The following COL22A1 variants were observed in gnomAD, a reference collection of about 807,000 sequenced individuals.
COL22A1 encodes collagen alpha-1(XXII) chain.
Under a neutral mutation model 248.9 loss-of-function variants are expected in COL22A1, and 221 were observed. That is an observed-to-expected ratio of 0.89 (90% CI 0.80 to 0.99). COL22A1 has a LOEUF of 0.99. COL22A1 is among the 50% of genes least tolerant of loss of function. The pLI is 0.00. For missense variants in COL22A1, 2,240 were observed against 2,179.0 expected, an observed-to-expected ratio of 1.03 and a Z score of -0.56; for synonymous variants, 891 against 793.4, an observed-to-expected ratio of 1.12 and a Z score of -2.07.
At chr8:138,593,323 A>T (rs2131782525) in intron 63 of COL22A1, among the ~76,000 whole-genome samples, 1 of 152,258 alleles carries the variant, frequency 6.6e-6, no homozygotes, top group South Asian at 2.1e-4. Context: ...ACCATGGCAC[A>T]TATATACCTA....
chr8:138,617,107 T>C, intron 53 of COL22A1, 149 bp from the exon 54 acceptor site: 1 of 794,498 alleles, frequency 1.3e-6, no homozygotes, highest in Non-Finnish European at 2.1e-6. Context: ...GGTGCCATGC[T>C]CGGTGCCAGA....
At chr8:138,878,501 AT>A (rs1444558981) in intron 2 of COL22A1, among the ~76,000 whole-genome samples, 185 bp from the exon 3 acceptor site, 256 of 152,292 alleles carry the variant, frequency 1.7e-3, no homozygotes, top group African/African-American at 6.0e-3. Flanking sequence ...TCACATGGCA[AT>A]AATGATGAGT....
chr8:138,623,355 C>A (rs1441693815), intron 52 of COL22A1, among the ~76,000 whole-genome samples: 1 of 151,628 alleles, frequency 6.6e-6, no homozygotes, highest in South Asian at 2.1e-4. Context: ...GTATCCTGAT[C>A]TCTCCAGATA....
chr8:138,895,070 A>AAG (rs1220550627), intron 1 of COL22A1, among the ~76,000 whole-genome samples: 2 of 137,916 alleles, frequency 1.5e-5, no homozygotes, highest in African/African-American at 5.8e-5. Context: ...TAAAAAAAAA[A>AAG]AAAGAAAAGA....
intron 8 of COL22A1, 80 bp from the exon 9 acceptor site, chr8:138,812,001 T>C (rs539256856): frequency 6.9e-7 from 1 of 1,444,278 alleles, no homozygotes; most frequent in South Asian, 1.4e-5. Flanking sequence ...TGTCGGGTGC[T>C]TCCTCAGAAC....
intron 1 of COL22A1, among the ~76,000 whole-genome samples, chr8:138,883,616 T>C (rs940866774): frequency 1.3e-5 from 2 of 152,094 alleles, no homozygotes; most frequent in Non-Finnish European, 2.9e-5. Flanking sequence ...TCGGAGGTGA[T>C]TGGATCATGG....
At chr8:138,807,424 C>A (rs4991003) in intron 10 of COL22A1, among the ~76,000 whole-genome samples, 46,435 of 152,080 alleles carry the variant, frequency 0.31, 7,495 homozygotes, top group African/African-American at 0.4. Context: ...AAAAGCCCAA[C>A]CCCTAAAAGT....
At chr8:138,811,268 T>TACAC (rs200757539) in intron 9 of COL22A1, among the ~76,000 whole-genome samples, 58 of 111,832 alleles carry the variant, frequency 5.2e-4, no homozygotes, top group African/African-American at 1.2e-3. Context: ...TACATATATA[T>TACAC]ATATACACAC....
At chr8:138,716,894 C>T (rs1586555492) in intron 27 of COL22A1, 25 bp from the exon 28 acceptor site, 2 of 1,574,100 alleles carry the variant, frequency 1.3e-6, no homozygotes, top group Non-Finnish European at 1.7e-6. Flanking sequence ...AAACATACCC[C>T]ATTATTCTCC....
chr8:138,866,923 A>C (rs1268934121), intron 3 of COL22A1, among the ~76,000 whole-genome samples: 2 of 152,168 alleles, frequency 1.3e-5, no homozygotes, highest in African/African-American at 4.8e-5. Context: ...CTCTAAGAGG[A>C]GCCACACCAC....
Position 138,863,059 on chromosome 8 carries a change from C to G in COL22A1, c.658+14691G>C, listed in dbSNP as rs1563857287. On this transcript the variant is annotated intron_variant, in intron 3 of 64. Coordinates refer to ENST00000303045, the MANE Select transcript of COL22A1 (RefSeq NM_152888.3). ...CAGTGTAAACTTCCAAGTGTTTAAC[C>G]AGGATATAAATTGCTGGGTCTCAGG... is the stretch of plus-strand genomic sequence containing the variant. Among the ~76,000 whole-genome samples, 8 of 152,266 alleles carry G rather than the reference C, an allele frequency of 5.3e-5. No homozygotes were observed. The East Asian group carries it at 1.5e-3, about 29-fold the overall frequency.
intron 32 of COL22A1, among the ~76,000 whole-genome samples, chr8:138,695,890 G>T (rs1173727882): frequency 6.6e-6 from 1 of 152,086 alleles, no homozygotes; most frequent in Non-Finnish European, 1.5e-5. Context: ...CACTGTGCAG[G>T]AGAGGAGTGG....
chr8:138,842,264 G>A (rs1427248573), intron 4 of COL22A1, among the ~76,000 whole-genome samples: 5 of 152,156 alleles, frequency 3.3e-5, no homozygotes, highest in East Asian at 3.8e-4. Flanking sequence ...GAGGAAATGC[G>A]TGCAAACCCT....
At chr8:138,663,653 G>T (rs377434286) in intron 42 of COL22A1, 52 bp downstream of exon 42, 9 of 1,376,726 alleles carry the variant, frequency 6.5e-6, no homozygotes, top group African/African-American at 1.4e-5. Context: ...GCTTTGATTC[G>T]AGCAGGATTC....
chr8:138,620,359 T>C (rs1339466298), intron 52 of COL22A1: 4 of 151,740 alleles, frequency 2.6e-5, no homozygotes, highest in African/African-American at 9.7e-5. Context: ...GGAAATCATA[T>C]GCAGCCCATT....
chr8:138,822,181 C>T (rs1173216784), intron 6 of COL22A1, among the ~76,000 whole-genome samples: 3 of 152,098 alleles, frequency 2.0e-5, no homozygotes, highest in Non-Finnish European at 2.9e-5. Flanking sequence ...TCCCGAGTAG[C>T]TGGGATTACA....
At chr8:138,760,588 GGAA>G (rs1293963212) in intron 17 of COL22A1, among the ~76,000 whole-genome samples, 2 of 152,130 alleles carry the variant, frequency 1.3e-5, no homozygotes, top group East Asian at 3.9e-4. Context: ...CTGGGCAAGA[GGAA>G]GAAGAAGCAC....
chr8:138,811,632 A>G (rs1818234984), intron 9 of COL22A1, among the ~76,000 whole-genome samples, 167 bp downstream of exon 9: 1 of 152,120 alleles, frequency 6.6e-6, no homozygotes. Context: ...ATCCCCTTCC[A>G]GTGTGCACAA....
chr8:138,637,229 C>T (rs1821260824), intron 47 of COL22A1, among the ~76,000 whole-genome samples: 1 of 152,050 alleles, frequency 6.6e-6, no homozygotes. Flanking sequence ...AGTGGTGTTC[C>T]AGGAGTGGCA....
Sources: gnomAD v4.1 joint callset for allele counts (sites outside exome capture counted in the v4.1 genomes callset) on GRCh38, gnomAD v4.1.1 for gene constraint, MANE v1.5 for transcripts, NCBI Gene and HGNC (gene_info 2026-07-23, HGNC 2026-07-21) for gene names.